The following EBF1 variants were observed in gnomAD, a reference collection of about 807,000 sequenced individuals.
The protein encoded by EBF1 is EBF transcription factor 1.
Under a neutral mutation model 68.4 loss-of-function variants are expected in EBF1, and 10 were observed. The observed-to-expected ratio is 0.15, with a 90% confidence interval of 0.09 to 0.25. The LOEUF (loss-of-function observed/expected upper bound fraction) is 0.25. Ranked by LOEUF, EBF1 falls within the 10% of genes least tolerant of loss-of-function variation. EBF1 has a pLI of 1.00. For missense variants in EBF1, 509 were observed against 794.4 expected, an observed-to-expected ratio of 0.64 and a Z score of 4.32; for synonymous variants, 298 against 299.8, an observed-to-expected ratio of 0.99 and a Z score of 0.06.
chr5:158,814,290 C>G (rs1468736005), intron 8 of EBF1, among the ~76,000 whole-genome samples: 1 of 152,110 alleles, frequency 6.6e-6, no homozygotes, highest in Non-Finnish European at 1.5e-5. Flanking sequence ...CTAAAGTGAG[C>G]TATGATTGCA....
intron 8 of EBF1, among the ~76,000 whole-genome samples, chr5:158,815,543 AAAT>A (rs1783553169): frequency 6.6e-6 from 1 of 152,224 alleles, no homozygotes; most frequent in African/African-American, 2.4e-5. Context: ...TAGTGGTAGT[AAAT>A]AATAATAGAG....
At chr5:158,866,843 A>G (rs1417388778) in intron 6 of EBF1, among the ~76,000 whole-genome samples, 1 of 1,690 alleles carries the variant, frequency 5.9e-4, no homozygotes, top group South Asian at 0.05. Flanking sequence ...GTATATATAT[A>G]TATATATATA....
chr5:159,091,178 C>T (rs897510494), intron 4 of EBF1, among the ~76,000 whole-genome samples: 3 of 152,292 alleles, frequency 2.0e-5, no homozygotes, highest in Admixed American at 1.3e-4. Flanking sequence ...ATGGAAACAG[C>T]TCTAGCGTAA....
chr5:158,956,661 A>G (rs1033790070), intron 6 of EBF1, among the ~76,000 whole-genome samples: 9 of 152,028 alleles, frequency 5.9e-5, no homozygotes, highest in African/African-American at 2.2e-4. Context: ...TATTGAAAAT[A>G]TTATAGAAAG....
intron 10 of EBF1, among the ~76,000 whole-genome samples, chr5:158,748,875 G>A (rs561871248): frequency 1.3e-5 from 2 of 152,268 alleles, no homozygotes; most frequent in East Asian, 3.9e-4. Context: ...CCTGGCAGAT[G>A]TAAAAGGATG....
intron 10 of EBF1, among the ~76,000 whole-genome samples, chr5:158,740,696 A>G (rs1581491407): frequency 6.6e-6 from 1 of 152,242 alleles, no homozygotes; most frequent in East Asian, 1.9e-4. Flanking sequence ...CAAAGCTTCA[A>G]CTTAAATAGC....
At chr5:158,970,090 CTT>C (rs1198623871) in intron 6 of EBF1, among the ~76,000 whole-genome samples, 1 of 152,060 alleles carries the variant, frequency 6.6e-6, no homozygotes, top group Admixed American at 6.6e-5. Context: ...AACACTGAGA[CTT>C]TTTTTGCTCT....
chr5:158,928,744 G>A (rs184458823), intron 6 of EBF1, among the ~76,000 whole-genome samples: 124 of 152,208 alleles, frequency 8.1e-4, no homozygotes, highest in Non-Finnish European at 1.2e-3. Context: ...TTTTCATTTC[G>A]TTTAAAGGGA....
intron 6 of EBF1, among the ~76,000 whole-genome samples, chr5:158,898,487 A>G (rs747988485): frequency 2.6e-5 from 4 of 152,226 alleles, no homozygotes; most frequent in Non-Finnish European, 5.9e-5. Flanking sequence ...TTAGAATGGG[A>G]TCTTTCTTTT....
At chr5:158,752,327 CAAAAAAAAAA>C (rs199938065) in intron 10 of EBF1, among the ~76,000 whole-genome samples, 2 of 104,912 alleles carry the variant, frequency 1.9e-5, no homozygotes, top group African/African-American at 3.2e-5. Flanking sequence ...GTATTTATTC[CAAAAAAAAAA>C]AAAAAAAAGC....
At chr5:159,004,553 G>C (rs1763189329) in intron 6 of EBF1, among the ~76,000 whole-genome samples, 1 of 152,012 alleles carries the variant, frequency 6.6e-6, no homozygotes, top group African/African-American at 2.4e-5. Flanking sequence ...TAGGTAGGTA[G>C]GTAGGTAGGT....
chr5:158,797,361 C>T (rs1410117635), intron 8 of EBF1, among the ~76,000 whole-genome samples: 3 of 152,170 alleles, frequency 2.0e-5, no homozygotes, highest in South Asian at 2.1e-4. Context: ...GGTGCACCTT[C>T]GTGCCACTGA....
intron 11 of EBF1, among the ~76,000 whole-genome samples, chr5:158,721,392 CT>C (rs935789485): frequency 1.3e-5 from 2 of 152,040 alleles, no homozygotes; most frequent in Admixed American, 1.3e-4. Flanking sequence ...GAAAGAAAGG[CT>C]GTTTTCAAGC....
intron 12 of EBF1, 97 bp downstream of exon 12, chr5:158,714,020 G>A: frequency 7.8e-7 from 1 of 1,280,584 alleles, no homozygotes; most frequent in Non-Finnish European, 1.1e-6. Context: ...CATGCACATG[G>A]CTTTTATATT....
intron 10 of EBF1, among the ~76,000 whole-genome samples, chr5:158,736,310 G>T (rs905661175): frequency 6.6e-6 from 1 of 152,174 alleles, no homozygotes. Context: ...GAAATGAGAG[G>T]CTGCAGAGTT....
At chr5:158,893,568 T>C (rs187089676) in intron 6 of EBF1, among the ~76,000 whole-genome samples, 67 of 152,324 alleles carry the variant, frequency 4.4e-4, no homozygotes, top group African/African-American at 1.6e-3. Context: ...TTCCTTGCTT[T>C]TAATATGTCT....
chr5:159,081,669 A>G (rs1398687876), intron 5 of EBF1, among the ~76,000 whole-genome samples: 2 of 152,226 alleles, frequency 1.3e-5, no homozygotes, highest in Non-Finnish European at 2.9e-5. Flanking sequence ...TCATGGTCCT[A>G]TAAGAAACCA....
intron 1 of EBF1, among the ~76,000 whole-genome samples, chr5:159,098,660 G>T (rs918095049): frequency 1.3e-4 from 19 of 151,296 alleles, no homozygotes; most frequent in African/African-American, 3.9e-4. Context: ...GTGGGGGAAA[G>T]AAATGAGAGA....
intron 6 of EBF1, among the ~76,000 whole-genome samples, chr5:158,910,552 T>C (rs1805736574): frequency 1.3e-5 from 2 of 152,250 alleles, no homozygotes; most frequent in African/African-American, 2.4e-5. Flanking sequence ...TGAATCTCTG[T>C]AGCAAAGATG....
Sources: gnomAD v4.1 joint callset for allele counts (sites outside exome capture counted in the v4.1 genomes callset) on GRCh38, gnomAD v4.1.1 for gene constraint, MANE v1.5 for transcripts, NCBI Gene and HGNC (gene_info 2026-07-23, HGNC 2026-07-21) for gene names.